Variants in DPP10 observed in about 807,000 individuals in gnomAD.
The protein encoded by DPP10 is inactive dipeptidyl peptidase 10.
A neutral mutation model predicts 120.9 loss-of-function variants in DPP10; 33 were observed. The ratio of observed to expected loss-of-function variants is 0.27; its 90% CI spans 0.21 to 0.37. DPP10 has a LOEUF of 0.37. Ranked by LOEUF, DPP10 falls within the 10% of genes least tolerant of loss-of-function variation. DPP10 has a pLI of 1.00. For synonymous variants in DPP10, 337 were observed against 326.1 expected, an observed-to-expected ratio of 1.03 and a Z score of -0.36; for missense variants, 816 against 942.8, an observed-to-expected ratio of 0.87 and a Z score of 1.76.
At chr2:114,687,263 G>A (rs988638517) in intron 1 of DPP10, among the ~76,000 whole-genome samples, 2 of 151,884 alleles carry the variant, frequency 1.3e-5, no homozygotes, top group Non-Finnish European at 2.9e-5. Context: ...CTTTCTGGCT[G>A]CACCTGAGGG....
intron 1 of DPP10, among the ~76,000 whole-genome samples, chr2:115,148,302 G>A (rs563020425): frequency 1.6e-4 from 25 of 152,256 alleles, no homozygotes; most frequent in Middle Eastern, 3.4e-3. Flanking sequence ...AAGGCAGAAT[G>A]CAGGCTAAGT....
At chr2:115,081,699 A>G (rs1432319428) in intron 1 of DPP10, among the ~76,000 whole-genome samples, 1 of 150,948 alleles carries the variant, frequency 6.6e-6, no homozygotes, top group Non-Finnish European at 1.5e-5. Flanking sequence ...ATTCTTTTTG[A>G]AAAAAAAAAT....
At chr2:115,319,357 T>C (rs1447367949) in intron 2 of DPP10, among the ~76,000 whole-genome samples, 4 of 152,172 alleles carry the variant, frequency 2.6e-5, no homozygotes, top group South Asian at 2.1e-4. Context: ...TTGGTTTCTT[T>C]TCTTGTGCTA....
chr2:114,560,104 G>A (rs1398348498), intron 1 of DPP10, among the ~76,000 whole-genome samples: 5 of 151,820 alleles, frequency 3.3e-5, no homozygotes, highest in African/African-American at 1.2e-4. Context: ...AGGAAATTTT[G>A]GTTCCAATAG....
chr2:115,129,349 A>C (rs1406192301), intron 1 of DPP10, among the ~76,000 whole-genome samples: 9 of 152,202 alleles, frequency 5.9e-5, no homozygotes, highest in Non-Finnish European at 1.5e-5. Flanking sequence ...ATGAGGATGC[A>C]ATCCACGGAA....
In DPP10 at chr2:114,839,652, C is replaced by T. The variant is rs186925687; in HGVS notation, c.60+396814C>T. ...TTCTAAAACTGCTCTATTCAGCTGT[C>T]ATTCTATGATTTTGTTTTCAAGGTT... On this transcript the variant is annotated intron_variant, in intron 1 of 25. Coordinates refer to ENST00000410059, the MANE Select transcript of DPP10 (RefSeq NM_020868.6). 2.1e-3 allele frequency among the ~76,000 whole-genome samples: 327 copies of T among 152,262 alleles called. 1 individual carries two copies. Among genetic ancestry groups the T allele is most frequent in the African/African-American group, 5.5e-3 (228 of 41,568 alleles).
intron 3 of DPP10, among the ~76,000 whole-genome samples, chr2:115,478,458 A>G (rs1239573774): frequency 6.6e-6 from 1 of 152,218 alleles, no homozygotes; most frequent in Non-Finnish European, 1.5e-5. Context: ...AAACATTTAG[A>G]AGAAAGCAGG....
intron 1 of DPP10, among the ~76,000 whole-genome samples, chr2:114,515,803 T>C (rs564530765): frequency 7.6e-6 from 1 of 132,050 alleles, no homozygotes; most frequent in African/African-American, 2.6e-5. Context: ...ACATCTCATA[T>C]CAACCTTTTT....
chr2:115,216,411 A>G (rs532685412), intron 1 of DPP10, among the ~76,000 whole-genome samples: 49 of 152,328 alleles, frequency 3.2e-4, no homozygotes, highest in African/African-American at 1.0e-3. Context: ...TGGAACTTCA[A>G]ACATTTCAGT....
chr2:114,946,901 C>T (rs569599449), intron 1 of DPP10, among the ~76,000 whole-genome samples: 28 of 151,880 alleles, frequency 1.8e-4, no homozygotes, highest in Admixed American at 3.3e-4. Flanking sequence ...ATTTTTCCAA[C>T]GAAGACATGA....
At position 115,711,915 on chromosome 2, in the gene DPP10, G is replaced by GTTTTTTTTTTTTTTT. The variant is rs1491280011; in HGVS notation, c.577-15901_577-15900insTTTTTTTTTTTTTTT. On this transcript the variant is annotated intron_variant, in intron 7 of 25. Transcript: ENST00000410059. The stretch of plus-strand genomic sequence containing the variant: ...GAATATTGGACCTATAAAATGGTCT[G>GTTTTTTTTTTTTTTT]GTTTTTTTTTTTTTTTTTTTTTTGG... Among the ~76,000 whole-genome samples, 6 of 96,986 alleles carry GTTTTTTTTTTTTTTT rather than the reference G, an allele frequency of 6.2e-5. 3 individuals are homozygous for GTTTTTTTTTTTTTTT. The highest frequency in any genetic ancestry group is 8.4e-5 in the African/African-American group (2 of 23,900). 63.6% of individuals were successfully genotyped at this position (96,986 alleles called of 152,430 possible).
chr2:115,740,385 A>T (rs896715973), intron 9 of DPP10, among the ~76,000 whole-genome samples: 1 of 152,304 alleles, frequency 6.6e-6, no homozygotes, highest in East Asian at 1.9e-4. Flanking sequence ...TAGACTATGC[A>T]TAAAGAATCT....
intron 1 of DPP10, among the ~76,000 whole-genome samples, chr2:114,678,797 G>A (rs1038399718): frequency 2.0e-5 from 3 of 151,858 alleles, no homozygotes; most frequent in Admixed American, 2.0e-4. Context: ...ATATTAAAAT[G>A]GCAATTAACT....
chr2:114,978,926 C>T (rs1467744132), intron 1 of DPP10, among the ~76,000 whole-genome samples: 1 of 152,052 alleles, frequency 6.6e-6, no homozygotes, highest in Non-Finnish European at 1.5e-5. Context: ...TGACATTTTC[C>T]ATGCTGGACC....
At chr2:115,604,001 AGT>A (rs1278286321) in intron 5 of DPP10, among the ~76,000 whole-genome samples, 3 of 152,148 alleles carry the variant, frequency 2.0e-5, no homozygotes, top group Non-Finnish European at 4.4e-5. Flanking sequence ...ATAAAGGTAG[AGT>A]GGTAAACATA....
At chr2:114,689,713 T>C (rs1383057255) in intron 1 of DPP10, among the ~76,000 whole-genome samples, 3 of 152,096 alleles carry the variant, frequency 2.0e-5, no homozygotes, top group Non-Finnish European at 4.4e-5. Flanking sequence ...TGTGAAAGCA[T>C]TCCTTTTTGT....
chr2:115,449,272 A>G (rs2072901747), intron 3 of DPP10, among the ~76,000 whole-genome samples: 1 of 152,154 alleles, frequency 6.6e-6, no homozygotes, highest in South Asian at 2.1e-4. Flanking sequence ...AGATCTGGCC[A>G]GTTGACCATG....
intron 1 of DPP10, among the ~76,000 whole-genome samples, chr2:114,514,610 G>C (rs1278503143): frequency 6.6e-6 from 1 of 152,082 alleles, no homozygotes; most frequent in Non-Finnish European, 1.5e-5. Flanking sequence ...CAATACCAAA[G>C]ATTTTGCCTC....
At chr2:114,752,595 T>A (rs1363148238) in intron 1 of DPP10, among the ~76,000 whole-genome samples, 1 of 152,122 alleles carries the variant, frequency 6.6e-6, no homozygotes, top group East Asian at 1.9e-4. Context: ...CAAGGTTCTG[T>A]TCATAGCAGA....
Sources: allele counts gnomAD v4.1 joint callset (sites outside exome capture counted in the v4.1 genomes callset), GRCh38; gene constraint gnomAD v4.1.1; transcripts MANE v1.5; gene names NCBI Gene and HGNC (gene_info 2026-07-23, HGNC 2026-07-21).